MTNR1A: variants seen among roughly 807,000 people sequenced by gnomAD.
MTNR1A encodes the protein melatonin receptor type 1A.
Under a neutral mutation model 5.5 loss-of-function variants are expected in MTNR1A, and 7 were observed. That is an observed-to-expected ratio of 1.28 (90% CI 0.73 to 2.40). The LOEUF (loss-of-function observed/expected upper bound fraction) is 2.40. Among genes scored for constraint, MTNR1A ranks in the 30% most tolerant of loss-of-function variants. The probability of loss-of-function intolerance (pLI) is 0.00; values close to 1 mark genes in which losing one functional copy is unlikely to be tolerated. For synonymous variants in MTNR1A, 196 were observed against 202.7 expected (o/e 0.97, Z 0.28); for missense variants, 441 against 464.4 (o/e 0.95, Z 0.46).
chr4:186,551,408 T>C (rs558660581), intron 1 of MTNR1A, among the ~76,000 whole-genome samples: 2 of 151,980 alleles, frequency 1.3e-5, no homozygotes, highest in African/African-American at 4.8e-5. Context: ...TCATATTGTC[T>C]ACTTGTTTTT....
chr4:186,555,504 A>C lies in MTNR1A; in HGVS notation c.-139T>G, dbSNP rs1369173921. The C allele has an allele frequency of 2.1e-4, 129 of 610,482 alleles. No homozygotes were observed. Among genetic ancestry groups the C allele is most frequent in the Non-Finnish European group, 2.8e-4 (123 of 443,450 alleles). 37.8% of individuals were successfully genotyped at this position (610,482 alleles called of 1,614,324 possible). ...CTCCACGCCGCGCCCCCGGACGCCC[A>C]CGCCGCGCCGGACGCCACGGCCAGG... is the stretch of plus-strand genomic sequence containing the variant. On this transcript the variant is annotated 5_prime_UTR_variant, in exon 1 of 2. Coordinates refer to ENST00000307161, the MANE Select transcript of MTNR1A (RefSeq NM_005958.4). This position sits in a 1 kb window ranked among gnomAD's most constrained non-coding sequence, Gnocchi z 4.1.
intron 1 of MTNR1A, among the ~76,000 whole-genome samples, chr4:186,548,114 A>G (rs1737194474): frequency 6.6e-6 from 1 of 152,210 alleles, no homozygotes; most frequent in Non-Finnish European, 1.5e-5. Flanking sequence ...GGCAATCAAA[A>G]AAAAACTATA....
At chr4:186,545,770 C>T (rs1192730513) in intron 1 of MTNR1A, among the ~76,000 whole-genome samples, 14 of 151,612 alleles carry the variant, frequency 9.2e-5, no homozygotes, top group Admixed American at 7.9e-4. Context: ...GAACTATTTA[C>T]AAACTTGGTT....
At chr4:186,539,734 T>C (rs1339938825) in intron 1 of MTNR1A, among the ~76,000 whole-genome samples, 1 of 152,206 alleles carries the variant, frequency 6.6e-6, no homozygotes, top group African/African-American at 2.4e-5. Context: ...ATTTTGGGCT[T>C]CCCAGCCTCC....
intron 1 of MTNR1A, among the ~76,000 whole-genome samples, chr4:186,547,312 A>T (rs1343138864): frequency 1.3e-4 from 16 of 121,144 alleles, no homozygotes; most frequent in African/African-American, 1.7e-4. Flanking sequence ...CACACCGTCC[A>T]CACCACACCC....
chr4:186,539,337 G>A (rs924919728), intron 1 of MTNR1A, among the ~76,000 whole-genome samples: 3 of 151,934 alleles, frequency 2.0e-5, no homozygotes, highest in Non-Finnish European at 4.4e-5. Context: ...AGGGTTGGAC[G>A]TATTAAACCA....
Position 186,555,416 on chromosome 4 carries a change from G to A in MTNR1A, c.-51C>T. On this transcript the variant is annotated 5_prime_UTR_variant, in exon 1 of 2. Transcript: ENST00000307161. This position sits in a 1 kb window ranked among gnomAD's most constrained non-coding sequence, Gnocchi z 4.1. ...GGGCCATCGCCCGCCTCGTCCGCCC[G>A]CCCGACCACTTGTTAAGGCTCCGCC... 2 of 1,329,566 alleles carry A rather than the reference G, an allele frequency of 1.5e-6. No individual in the cohort carries two copies. The highest frequency in any genetic ancestry group is 1.9e-6 in the Non-Finnish European group (2 of 1,036,542). The allele number at this position is 1,329,566 out of a possible 1,614,324, so 82.4% of individuals were successfully genotyped here. A position where few individuals can be genotyped will look rare whatever the true frequency, so the allele number is the denominator to read the frequency against.
At chr4:186,535,065 G>A (rs1560892630) in intron 1 of MTNR1A, among the ~76,000 whole-genome samples, 1 of 152,140 alleles carries the variant, frequency 6.6e-6, no homozygotes. Context: ...GTCTGGATGA[G>A]AACATGGCTT....
intron 1 of MTNR1A, among the ~76,000 whole-genome samples, chr4:186,545,028 T>C (rs1737111220): frequency 1.3e-5 from 2 of 152,158 alleles, no homozygotes; most frequent in Non-Finnish European, 2.9e-5. Flanking sequence ...CAGCTTTCCC[T>C]GAGACCCCAT....
intron 1 of MTNR1A, among the ~76,000 whole-genome samples, chr4:186,543,833 T>C (rs929063360): frequency 2.0e-5 from 3 of 152,132 alleles, no homozygotes; most frequent in Non-Finnish European, 4.4e-5. Flanking sequence ...GGTTAAAAGA[T>C]ATAGCTAGAA....
intron 1 of MTNR1A, 101 bp from the exon 2 acceptor site, chr4:186,534,658 T>A: frequency 1.4e-6 from 2 of 1,441,930 alleles, no homozygotes; most frequent in Non-Finnish European, 1.9e-6. Context: ...TCCGATGACC[T>A]GACGTCACAG....
Position 186,534,510 on chromosome 4 carries a change from T to A in MTNR1A, c.232A>T (p.Ile78Phe). ...ATCAGCACCAACGGGTACGGATAAA[T>A]GGCCACCACCAGGTCTGCCACCGCT... The part of the protein sequence containing the change: ...SLAVADLVVA[I>F]YPYPLVLMSI... Residue 78 changes from isoleucine (I) to phenylalanine (F), a missense_variant, in exon 2 of 2, where the codon ATT becomes TTT. By Grantham distance (21) the Ile-to-Phe change is conservative. Transcript: ENST00000307161. 1 of 1,613,942 alleles carries A rather than the reference T, an allele frequency of 6.2e-7. No individual in the cohort carries two copies. The highest frequency in any genetic ancestry group is 8.5e-7 in the Non-Finnish European group (1 of 1,180,024).
intron 1 of MTNR1A, 29 bp from the exon 2 acceptor site, chr4:186,534,586 TG>T (rs780938876): frequency 1.9e-6 from 3 of 1,603,362 alleles, no homozygotes; most frequent in Non-Finnish European, 2.5e-6. Context: ...GAAAATACAG[TG>T]AATACCAGTT....
chr4:186,536,323 G>A (rs1250177514), intron 1 of MTNR1A, among the ~76,000 whole-genome samples: 2 of 151,078 alleles, frequency 1.3e-5, no homozygotes, highest in African/African-American at 4.9e-5. Context: ...TCCAGCCTGG[G>A]TGACAAGAGC....
chr4:186,540,387 G>A (rs1222939221), intron 1 of MTNR1A, among the ~76,000 whole-genome samples: 1 of 152,196 alleles, frequency 6.6e-6, no homozygotes, highest in East Asian at 1.9e-4. Flanking sequence ...TGAATCCCTG[G>A]ATGTGGAACC....
intron 1 of MTNR1A, among the ~76,000 whole-genome samples, chr4:186,553,939 T>C (rs11132403): frequency 0.5 from 76,381 of 152,102 alleles, 20,636 homozygotes; most frequent in Non-Finnish European, 0.61. Flanking sequence ...CTACAGTCCC[T>C]GGGAACAATC....
At chr4:186,544,109 C>A (rs1385387066) in intron 1 of MTNR1A, among the ~76,000 whole-genome samples, 1 of 152,164 alleles carries the variant, frequency 6.6e-6, no homozygotes, top group Non-Finnish European at 1.5e-5. Context: ...TCCCCCACCC[C>A]CACTGGGTTC....
Position 186,534,512 on chromosome 4 carries a change from G to T in MTNR1A, c.230C>A (p.Ala77Asp), listed in dbSNP as rs1560892315. ...VSLAVADLVV[A>D]IYPYPLVLMS... ...CAGCACCAACGGGTACGGATAAATG[G>T]CCACCACCAGGTCTGCCACCGCTAA... The change falls in exon 2 of 2, where the codon GCC (alanine) becomes GAC (aspartate). Residue 77 changes from alanine (A) to aspartate (D), a missense_variant. By Grantham distance (126) the Ala-to-Asp change is moderately radical (BLOSUM62 -2). Transcript: ENST00000307161. 3.7e-6 allele frequency: 6 copies of T among 1,613,730 alleles called. No individual in the cohort carries two copies. The highest frequency in any genetic ancestry group is 5.1e-6 in the Non-Finnish European group (6 of 1,180,008).
At chr4:186,535,992 A>G (rs749175981) in intron 1 of MTNR1A, among the ~76,000 whole-genome samples, 5 of 152,216 alleles carry the variant, frequency 3.3e-5, no homozygotes, top group African/African-American at 1.2e-4. Flanking sequence ...TTTACATATT[A>G]AATGCATATA....
Sources: gnomAD v4.1 joint callset for allele counts (sites outside exome capture counted in the v4.1 genomes callset) on GRCh38, gnomAD v4.1.1 for gene constraint, Gnocchi (gnomAD v3.1) non-coding constraint, MANE v1.5 for transcripts, NCBI Gene and HGNC (gene_info 2026-07-23, HGNC 2026-07-21) for gene names.